The following ARHGEF18 variants were observed in gnomAD, a reference collection of about 807,000 sequenced individuals.
ARHGEF18 encodes the protein Rho/Rac guanine nucleotide exchange factor 18.
A neutral mutation model predicts 155.7 loss-of-function variants in ARHGEF18; 93 were observed. The ratio of observed to expected loss-of-function variants is 0.60; its 90% CI spans 0.50 to 0.71. The LOEUF is 0.71. Ranked by LOEUF, ARHGEF18 falls within the 30% of genes least tolerant of loss-of-function variation. The pLI, the probability that ARHGEF18 is intolerant of heterozygous loss-of-function variation, is 0.00. For synonymous variants in ARHGEF18, 742 were observed against 753.1 expected (o/e 0.99, Z 0.24); for missense variants, 1,593 against 1,816.1 (o/e 0.88, Z 2.23).
At chr19:7,383,389 G>A (rs1194193948) in intron 10 of ARHGEF18, 186 bp downstream of exon 10, 3 of 518,146 alleles carry the variant, frequency 5.8e-6, no homozygotes, top group Non-Finnish European at 8.9e-6. Context: ...GGGCTAACTC[G>A]GGACTGGCAA....
chr19:7,435,368 G>T (rs922016893), intron 10 of ARHGEF18, among the ~76,000 whole-genome samples: 3 of 152,108 alleles, frequency 2.0e-5, no homozygotes, highest in Non-Finnish European at 4.4e-5. Flanking sequence ...TATATTCACA[G>T]TCCTCTGGAA....
downstream of ARHGEF18, chr19:7,477,118 C>A: frequency 2.3e-6 from 3 of 1,291,054 alleles, no homozygotes; most frequent in Non-Finnish European, 3.1e-6. Flanking sequence ...CCATGAGAGC[C>A]CCGGCCCCTG....
chr19:7,410,955 T>TA (rs146942732), intron 10 of ARHGEF18, among the ~76,000 whole-genome samples: 4,319 of 152,128 alleles, frequency 0.028, 102 homozygotes, highest in South Asian at 0.078. Flanking sequence ...TGGGACCTCT[T>TA]ATACTTCAGC....
downstream of ARHGEF18, chr19:7,477,414 T>A (rs773238168): frequency 7.4e-6 from 11 of 1,480,278 alleles, no homozygotes; most frequent in Non-Finnish European, 9.8e-6. Flanking sequence ...TCCATGGCCC[T>A]CCGCTTGCCC....
chr19:7,383,260 G>A (rs1049291288), intron 10 of ARHGEF18, 57 bp downstream of exon 10: 9 of 1,231,358 alleles, frequency 7.3e-6, no homozygotes, highest in Middle Eastern at 3.1e-4. Flanking sequence ...TCTTCTTCAC[G>A]TCCTTTCAAT....
At chr19:7,367,298 T>C (rs534376573) in intron 2 of ARHGEF18, among the ~76,000 whole-genome samples, 9 of 152,260 alleles carry the variant, frequency 5.9e-5, no homozygotes, top group African/African-American at 2.2e-4. Flanking sequence ...TTTTACCCAA[T>C]GACCATTTGA....
At chr19:7,460,634 T>TGA (rs141969273) in intron 20 of ARHGEF18, among the ~76,000 whole-genome samples, 45 of 151,194 alleles carry the variant, frequency 3.0e-4, no homozygotes, top group African/African-American at 1.0e-3. Flanking sequence ...ATAAATGGAG[T>TGA]CACACCGCGC....
rs144117511 is a variant in ARHGEF18 at position 7,406,340 on chromosome 19, C to T, written c.967+23137C>T. 1.7e-3 allele frequency among the ~76,000 whole-genome samples: 265 copies of T among 152,322 alleles called. 2 individuals carry two copies. The highest frequency in any genetic ancestry group is 5.8e-3 in the African/African-American group (243 of 41,572). ...CCTCAGGTGATCCACCCACCTCGGC[C>T]TCCCAAAGTGCTGGGATTACAAGCG... On this transcript the variant is annotated intron_variant, in intron 10 of 28. Coordinates refer to ENST00000668164, the MANE Select transcript of ARHGEF18 (RefSeq NM_001367823.1).
At chr19:7,478,232 C>T in the ARHGEF18 span, 1 of 1,466,976 alleles carries the variant, frequency 6.8e-7, no homozygotes, top group Non-Finnish European at 9.3e-7. Context: ...CAGCATGGGC[C>T]TGCACAGGGG....
At chr19:7,364,277 AGGAT>A (rs975939403) in intron 2 of ARHGEF18, among the ~76,000 whole-genome samples, 1 of 150,586 alleles carries the variant, frequency 6.6e-6, no homozygotes, top group Non-Finnish European at 1.5e-5. Flanking sequence ...GATAAATGAA[AGGAT>A]GAAGGAAGGA....
chr19:7,350,767 G>T (rs1321447122), intron 1 of ARHGEF18, among the ~76,000 whole-genome samples: 1,884 of 19,414 alleles, frequency 0.097, 166 homozygotes, highest in East Asian at 0.17. Flanking sequence ...TTTTGGGGTG[G>T]GTGTGTGTGT....
At chr19:7,404,218 G>A (rs1972172155) in intron 10 of ARHGEF18, among the ~76,000 whole-genome samples, 1 of 152,136 alleles carries the variant, frequency 6.6e-6, no homozygotes, top group Non-Finnish European at 1.5e-5. Flanking sequence ...GGTACGGGCT[G>A]CCCTGGGGCC....
intron 10 of ARHGEF18, among the ~76,000 whole-genome samples, chr19:7,415,372 G>A (rs903609508): frequency 6.6e-6 from 1 of 151,256 alleles, no homozygotes; most frequent in Non-Finnish European, 1.5e-5. Context: ...CCCCTGCACC[G>A]CCCCTCTCTG....
chr19:7,401,190 A>T lies in ARHGEF18; in HGVS notation c.967+17987A>T, dbSNP rs537163672. 2.0e-5 allele frequency among the ~76,000 whole-genome samples: 3 copies of T among 152,322 alleles called. No individual in the cohort carries two copies. In the South Asian group the frequency reaches 6.2e-4, roughly 32 times the overall value. ...TGGGCGCTGGAGGCAGCAAGGGATCAGCTCTGTAGCGCTGACAATGCCAGG... is the reference window on the plus strand; with the variant it reads ...TGGGCGCTGGAGGCAGCAAGGGATCTGCTCTGTAGCGCTGACAATGCCAGG... On this transcript the variant is annotated intron_variant, in intron 10 of 28. Coordinates refer to ENST00000668164, the MANE Select transcript of ARHGEF18 (RefSeq NM_001367823.1).
intron 24 of ARHGEF18, 22 bp downstream of exon 24, chr19:7,466,996 T>C: frequency 1.2e-6 from 2 of 1,613,338 alleles, no homozygotes; most frequent in Non-Finnish European, 1.7e-6. Context: ...CGGGTCTCCA[T>C]CTCCCCAGGG....
intron 1 of ARHGEF18, 116 bp from the exon 2 acceptor site, chr19:7,362,665 T>G: frequency 1.0e-6 from 1 of 989,434 alleles, no homozygotes; most frequent in Non-Finnish European, 1.3e-6. Context: ...ACCAACTCAT[T>G]TTATAGTTGA....
Position 7,453,523 on chromosome 19 carries a change from A to G in ARHGEF18, c.1912A>G (p.Ile638Val), listed in dbSNP as rs752072797. ...GGCCTTGAACCTCATCAAAGATATCATCTCACAAGTGGACGCCAAGGTCAG... is the reference window on the plus strand; with the variant it reads ...GGCCTTGAACCTCATCAAAGATATCGTCTCACAAGTGGACGCCAAGGTCAG... The part of the protein sequence containing the change: ...TQALNLIKDI[I>V]SQVDAKVSEC... The change falls in exon 17 of 29, where the codon ATC becomes GTC. Residue 638 changes from isoleucine to valine, a missense_variant. Coordinates refer to ENST00000668164, the MANE Select transcript of ARHGEF18 (RefSeq NM_001367823.1). The G allele has an allele frequency of 1.2e-6, 2 of 1,613,886 alleles. No homozygotes were observed. The highest frequency in any genetic ancestry group is 1.7e-6 in the Non-Finnish European group (2 of 1,179,780).
At chr19:7,432,915 T>G (rs999467522) in intron 10 of ARHGEF18, among the ~76,000 whole-genome samples, 1 of 152,204 alleles carries the variant, frequency 6.6e-6, no homozygotes, top group Non-Finnish European at 1.5e-5. Context: ...ATCCCAGCAC[T>G]TTGGGAAGTC....
chr19:7,349,505 C>T (rs1045083236), intron 1 of ARHGEF18, among the ~76,000 whole-genome samples: 8 of 151,900 alleles, frequency 5.3e-5, no homozygotes, highest in Non-Finnish European at 8.8e-5. Flanking sequence ...AGGCCGGGCG[C>T]GGTGGCTCAC....
Sources: gnomAD v4.1 joint callset for allele counts (sites outside exome capture counted in the v4.1 genomes callset) on GRCh38, gnomAD v4.1.1 for gene constraint, MANE v1.5 for transcripts, NCBI Gene and HGNC (gene_info 2026-07-23, HGNC 2026-07-21) for gene names.